Variants in CLIP1 observed in about 807,000 individuals in gnomAD.
The protein encoded by CLIP1 is CAP-Gly domain containing linker protein 1, also known as CAP-Gly domain-containing linker protein 1.
Under a neutral mutation model 161.6 loss-of-function variants are expected in CLIP1, and 66 were observed. The observed-to-expected ratio is 0.41, with a 90% CI of 0.33 to 0.50. CLIP1 has a LOEUF of 0.50. Ranked by LOEUF, CLIP1 falls within the 20% of genes least tolerant of loss-of-function variation. The pLI is 0.27. For synonymous variants in CLIP1, 598 were observed against 626.2 expected (o/e 0.96, Z 0.67); for missense variants, 1,376 against 1,702.0 (o/e 0.81, Z 3.37).
intron 1 of CLIP1, among the ~76,000 whole-genome samples, chr12:122,402,397 C>T (rs966945229): frequency 2.0e-5 from 3 of 152,134 alleles, no homozygotes; most frequent in Admixed American, 1.3e-4. Flanking sequence ...AGAGATGGGA[C>T]GACTGCTTGA....
intron 1 of CLIP1, among the ~76,000 whole-genome samples, chr12:122,393,626 T>G (rs1484874341): frequency 1.3e-5 from 2 of 152,046 alleles, no homozygotes; most frequent in Non-Finnish European, 2.9e-5. Flanking sequence ...AGAGTCTAGA[T>G]CTTGGCTGGG....
chr12:122,282,049 C>T (rs1250906687), intron 21 of CLIP1, among the ~76,000 whole-genome samples: 1 of 152,128 alleles, frequency 6.6e-6, no homozygotes, highest in Non-Finnish European at 1.5e-5. Context: ...CACACACACA[C>T]AACCTCTCAG....
At chr12:122,287,049 G>A (rs1955886604) in intron 21 of CLIP1, among the ~76,000 whole-genome samples, 1 of 152,088 alleles carries the variant, frequency 6.6e-6, no homozygotes, top group Admixed American at 6.6e-5. Flanking sequence ...ACGCATGCCT[G>A]TAGTCCCAGC....
chr12:122,358,132 A>T (rs1470408558), intron 5 of CLIP1, among the ~76,000 whole-genome samples: 1 of 151,996 alleles, frequency 6.6e-6, no homozygotes, highest in African/African-American at 2.4e-5. Flanking sequence ...TTGATCTGTG[A>T]CCTTACCCCC....
At chr12:122,278,344 CAT>C in intron 23 of CLIP1, 141 bp from the exon 24 acceptor site, 1 of 769,546 alleles carries the variant, frequency 1.3e-6, no homozygotes, top group Non-Finnish European at 2.2e-6. Context: ...ACTTTCAGCA[CAT>C]GTGGATGAGT....
chr12:122,382,053 C>T (rs1955031064), intron 1 of CLIP1, among the ~76,000 whole-genome samples: 1 of 152,072 alleles, frequency 6.6e-6, no homozygotes, highest in Non-Finnish European at 1.5e-5. Flanking sequence ...GGTGAAACCT[C>T]GTCTCTCCTA....
intron 20 of CLIP1, among the ~76,000 whole-genome samples, chr12:122,306,771 GA>G (rs898461335): frequency 2.7e-5 from 4 of 150,654 alleles, no homozygotes; most frequent in Non-Finnish European, 4.4e-5. Flanking sequence ...ATTTGAGGCA[GA>G]AAAAAAAAGT....
chr12:122,422,150 A>T (rs1566259100), intron 1 of CLIP1, among the ~76,000 whole-genome samples: 1 of 151,872 alleles, frequency 6.6e-6, no homozygotes, highest in Non-Finnish European at 1.5e-5. Flanking sequence ...CCGATCCCAC[A>T]TCCGCCCCGG....
chr12:122,412,714 A>G (rs1260463231), intron 1 of CLIP1, among the ~76,000 whole-genome samples: 1 of 152,198 alleles, frequency 6.6e-6, no homozygotes, highest in East Asian at 1.9e-4. Context: ...TCCTCTGGGC[A>G]GTAGCATCAT....
At chr12:122,385,711 G>GGGTA (rs1333996150) in intron 1 of CLIP1, among the ~76,000 whole-genome samples, 1 of 152,108 alleles carries the variant, frequency 6.6e-6, no homozygotes, top group Non-Finnish European at 1.5e-5. Flanking sequence ...GCTGCAGGAG[G>GGGTA]GGTAACAGGT....
chr12:122,294,929 C>T (rs771526680), intron 20 of CLIP1, among the ~76,000 whole-genome samples: 38 of 151,138 alleles, frequency 2.5e-4, no homozygotes, highest in Non-Finnish European at 4.4e-4. Flanking sequence ...TGGCATGCAC[C>T]TCTATAATCC....
chr12:122,336,413 TAAAA>T (rs144935400), intron 12 of CLIP1, among the ~76,000 whole-genome samples: 101 of 138,964 alleles, frequency 7.3e-4, no homozygotes, highest in African/African-American at 1.8e-3. Flanking sequence ...AGGGATAGAT[TAAAA>T]AAAAAAAAAA....
At chr12:122,416,477 T>G (rs1956760288) in intron 1 of CLIP1, among the ~76,000 whole-genome samples, 1 of 152,242 alleles carries the variant, frequency 6.6e-6, no homozygotes, top group South Asian at 2.1e-4. Flanking sequence ...TAACATGACA[T>G]AGTCAGCACA....
intron 3 of CLIP1, among the ~76,000 whole-genome samples, chr12:122,375,647 T>A (rs1486650573): frequency 6.6e-6 from 1 of 152,170 alleles, no homozygotes; most frequent in African/African-American, 2.4e-5. Context: ...TAACATCCTC[T>A]GATGCCTTGA....
chr12:122,377,957 A>G lies in CLIP1; in HGVS notation c.89T>C (p.Val30Ala), dbSNP rs374190792. The G allele has an allele frequency of 2.5e-6, 4 of 1,595,842 alleles. No homozygotes were observed. Among genetic ancestry groups the G allele is most frequent in the Non-Finnish European group, 3.4e-6 (4 of 1,173,702 alleles). ...STALKTPTAV[V>A]APVEKTISSE... ...GGATATGGTTTTTTCTACTGGAGCT[A>G]CAACTGAAAACAAAAGATCATAAGA... is the stretch of plus-strand genomic sequence containing the variant. Residue 30 changes from valine to alanine, a missense_variant, in exon 3 of 26, where the codon GTA (valine) becomes GCA (alanine). By Grantham distance (64) the Val-to-Ala change is moderately conservative. This residue lies in a region of CLIP1 where 66 missense variants were observed against 67.8 expected (regional missense o/e 0.97). Transcript: ENST00000620786.
At chr12:122,346,795 G>A (rs182310705) in intron 10 of CLIP1, among the ~76,000 whole-genome samples, 156 of 152,306 alleles carry the variant, frequency 1.0e-3, no homozygotes, top group African/African-American at 3.5e-3. Flanking sequence ...GAGCCACTGC[G>A]CCCAGTGTCC....
Position 122,288,595 on chromosome 12 carries a change from A to G in CLIP1, c.3595-54T>C, listed in dbSNP as rs77750005. 270 of 1,492,480 alleles carry G rather than the reference A, an allele frequency of 1.8e-4. 2 individuals are homozygous for G. In the East Asian group the frequency reaches 6.0e-3, roughly 33 times the overall value. 92.5% of individuals were successfully genotyped at this position (1,492,480 alleles called of 1,614,324 possible). On this transcript the variant is annotated intron_variant, in intron 20 of 25. Transcript: ENST00000620786. ...TCATAACCAGGCCACAGAAAGGCAT[A>G]TTTCTCATCCCACATGTACATCCCC...
intron 19 of CLIP1, among the ~76,000 whole-genome samples, chr12:122,314,154 G>A (rs1239658254): frequency 1.3e-5 from 2 of 152,100 alleles, no homozygotes; most frequent in African/African-American, 4.8e-5. Context: ...AGATGGGTGT[G>A]GTGGCAGGCA....
At chr12:122,328,565 ATTTTG>A (rs66694613) in intron 15 of CLIP1, 139 bp from the exon 16 acceptor site, 211,707 of 320,770 alleles carry the variant, frequency 0.66, 77,948 homozygotes, top group East Asian at 0.77. Flanking sequence ...TAGGCAAGAA[ATTTTG>A]TTTTGTTTTG....
Sources: gnomAD v4.1 joint callset for allele counts (sites outside exome capture counted in the v4.1 genomes callset) on GRCh38, gnomAD v4.1.1 for gene constraint, gnomAD v4.1.1 regional missense constraint, MANE v1.5 for transcripts, NCBI Gene and HGNC (gene_info 2026-07-23, HGNC 2026-07-21) for gene names.